Variants in MED25 observed in about 807,000 individuals in gnomAD.
MED25 encodes mediator complex subunit 25, also known as mediator of RNA polymerase II transcription subunit 25.
A neutral mutation model predicts 89.4 loss-of-function variants in MED25; 62 were observed. The ratio of observed to expected loss-of-function variants is 0.69; its 90% confidence interval spans 0.57 to 0.86. The LOEUF is 0.86. MED25 is among the 40% of genes least tolerant of loss of function. MED25 has a pLI of 0.00. For missense variants in MED25, 905 were observed against 1,005.2 expected, an observed-to-expected ratio of 0.90 and a Z score of 1.35; for synonymous variants, 449 against 427.9, an observed-to-expected ratio of 1.05 and a Z score of -0.61.
chr19:49,836,249 C>T lies in MED25; in HGVS notation c.1989C>T (p.Pro663=), dbSNP rs762594410. The change falls in exon 17 of 18, where the codon CCC becomes CCT. Residue 663 remains proline, a synonymous_variant. Coordinates refer to ENST00000312865, the MANE Select transcript of MED25 (RefSeq NM_030973.4). The surrounding 1 kb of genome is among the most constrained non-coding windows in gnomAD (Gnocchi z 5.1). ...PPPPQTGVPP[P]QASLHHLQPP... ...AGCCGCAGACTGGGGTGCCCCCACC[C>T]CAGGCCTCCCTCCACCACCTCCAGC... 60 of 1,612,340 alleles carry T rather than the reference C, an allele frequency of 3.7e-5. No individual in the cohort carries two copies. The highest frequency in any genetic ancestry group is 3.0e-5 in the Non-Finnish European group (35 of 1,179,874).
At chr19:49,819,565 T>G in intron 3 of MED25, 1 of 447,220 alleles carries the variant, frequency 2.2e-6, no homozygotes, top group East Asian at 4.9e-5. Context: ...GGTGATTGTG[T>G]TTTTGTCAGA....
chr19:49,835,886 C>T lies in MED25; in HGVS notation c.1906C>T (p.Arg636Trp), dbSNP rs761434818. Reference sequence around the variant, plus strand: ...CCCACCCCCTCCTGGACCCATCCTTCGGCCCCAGAACCCTGGGGCCAACCC... The same window carrying T: ...CCCACCCCCTCCTGGACCCATCCTTTGGCCCCAGAACCCTGGGGCCAACCC... ...SGPPPPGPIL[R>W]PQNPGANPQL... Residue 636 changes from arginine to tryptophan, a missense_variant, in exon 16 of 18, where the codon CGG becomes TGG. Arg to Trp is a moderately radical substitution (Grantham distance 101). Transcript: ENST00000312865. The surrounding 1 kb of genome is among the most constrained non-coding windows in gnomAD (Gnocchi z 6.2). 4 of 1,612,708 alleles carry T rather than the reference C, an allele frequency of 2.5e-6. No individual in the cohort carries two copies. Among genetic ancestry groups the T allele is most frequent in the Non-Finnish European group, 3.4e-6 (4 of 1,179,856 alleles).
At position 49,836,161 on chromosome 19, in the gene MED25, T is replaced by C; in HGVS notation, c.1966-65T>C. 9 of 1,563,744 alleles carry C rather than the reference T, an allele frequency of 5.8e-6. 2 individuals are homozygous for C. In the South Asian group the frequency reaches 6.8e-5, roughly 12 times the overall value. ...ACTAGCTGATTCCATCTCTGAGCAG[T>C]GTCTGTGTTGAGAGGTGGGGAGTCT... On this transcript the variant is annotated intron_variant, in intron 16 of 17. Transcript: ENST00000312865. The surrounding 1 kb of genome is among the most constrained non-coding windows in gnomAD (Gnocchi z 5.1).
intron 2 of MED25, chr19:49,818,966 C>T (rs908030896): frequency 1.5e-6 from 1 of 654,380 alleles, no homozygotes; most frequent in African/African-American, 1.8e-5. Flanking sequence ...GCCTGGGCTC[C>T]TGGGTCTGAG....
Position 49,830,371 on chromosome 19 carries a change from G to A in MED25, c.820-140G>A. 3 of 1,150,060 alleles carry A rather than the reference G, an allele frequency of 2.6e-6. No homozygotes were observed. The highest frequency in any genetic ancestry group is 3.8e-6 in the Non-Finnish European group (3 of 786,010). 71.2% of individuals were successfully genotyped at this position (1,150,060 alleles called of 1,614,324 possible). ...GACTCTTGGGGCCATGGAAGCTCATGTGCTGTGTGATGGGTGTTGTGAGCT... is the reference window on the plus strand; with the variant it reads ...GACTCTTGGGGCCATGGAAGCTCATATGCTGTGTGATGGGTGTTGTGAGCT... On this transcript the variant is annotated intron_variant, in intron 7 of 17. Transcript: ENST00000312865. This position sits in a 1 kb window ranked among gnomAD's most constrained non-coding sequence, Gnocchi z 4.6.
In MED25 at chr19:49,832,330, G is replaced by A. The variant is rs778533296; in HGVS notation, c.1397G>A (p.Arg466Gln). 4 of 1,608,790 alleles carry A rather than the reference G, an allele frequency of 2.5e-6. No individual in the cohort carries two copies. The highest frequency in any genetic ancestry group is 3.4e-6 in the Non-Finnish European group (4 of 1,177,208). ...QLLTTLGPLF[R>Q]NSRMVQFHFT... ...CAGACCACCCTGGGCCCTTTGTTCC[G>A]GAACTCAAGGATGGTCCAGTTCCAT... Residue 466 changes from arginine (R) to glutamine (Q), a missense_variant, in exon 13 of 18, where the codon CGG becomes CAG. Physicochemically the swap from Arg to Gln is conservative, Grantham distance 43 (BLOSUM62 1). Transcript: ENST00000312865.
chr19:49,828,601 C>CCACTT (rs2074031506), intron 4 of MED25, 54 bp downstream of exon 4: 2 of 1,417,942 alleles, frequency 1.4e-6, no homozygotes, highest in African/African-American at 2.8e-5. Flanking sequence ...TGGCCTGGAA[C>CCACTT]CACTTTGCCT....
rs926872774 is a variant in MED25 at position 49,830,029 on chromosome 19, T to C, written c.689-59T>C. The stretch of plus-strand genomic sequence containing the variant: ...CTCTGACTTGGATTTTGGATTTCTC[T>C]CCTTTCTCTGCATCTTGAATCCCTT... On this transcript the variant is annotated intron_variant, in intron 6 of 17. Transcript: ENST00000312865. This position sits in a 1 kb window ranked among gnomAD's most constrained non-coding sequence, Gnocchi z 4.6. The C allele has an allele frequency of 5.6e-6, 9 of 1,597,194 alleles. No homozygotes were observed. Among genetic ancestry groups the C allele is most frequent in the Non-Finnish European group, 6.8e-6 (8 of 1,171,110 alleles).
chr19:49,837,057 A>C (rs1042935929), downstream of MED25: 4 of 869,932 alleles, frequency 4.6e-6, no homozygotes, highest in African/African-American at 1.7e-5. Flanking sequence ...CCTTGTTCTC[A>C]CTTCAGCAGA....
chr19:49,821,610 T>C (rs2073982541), intron 3 of MED25, among the ~76,000 whole-genome samples: 1 of 150,680 alleles, frequency 6.6e-6, no homozygotes, highest in Admixed American at 6.6e-5. Flanking sequence ...CTACTAAAAA[T>C]ACAAGCAATC....
downstream of MED25, among the ~76,000 whole-genome samples, chr19:49,838,119 T>C (rs889574318): frequency 2.0e-5 from 3 of 152,124 alleles, no homozygotes; most frequent in Non-Finnish European, 4.4e-5. Context: ...ACCACCAGCA[T>C]CCACATCATT....
At chr19:49,828,894 C>G in intron 4 of MED25, 76 bp from the exon 5 acceptor site, 2 of 1,600,090 alleles carry the variant, frequency 1.2e-6, no homozygotes, top group Middle Eastern at 1.7e-4. Context: ...ATGTGCATCT[C>G]CGCTGGTGCT....
In MED25 at chr19:49,834,952, C is replaced by T. The variant is rs1002039387; in HGVS notation, c.1483-34C>T. On this transcript the variant is annotated intron_variant, in intron 13 of 17. Coordinates refer to ENST00000312865, the MANE Select transcript of MED25 (RefSeq NM_030973.4). This position sits in a 1 kb window ranked among gnomAD's most constrained non-coding sequence, Gnocchi z 4.1. ...GGGGTCAGGGCTGCCTCTTTCAGGGCCTGAATGGTTCTGAAGAGCTGTTGT... is the reference window on the plus strand; with the variant it reads ...GGGGTCAGGGCTGCCTCTTTCAGGGTCTGAATGGTTCTGAAGAGCTGTTGT... 3.7e-5 allele frequency: 60 copies of T among 1,611,656 alleles called. No individual in the cohort carries two copies. Among genetic ancestry groups the T allele is most frequent in the Non-Finnish European group, 4.9e-5 (58 of 1,178,702 alleles).
intron 3 of MED25, 138 bp downstream of exon 3, chr19:49,819,434 G>A: frequency 1.1e-6 from 1 of 909,448 alleles, no homozygotes; most frequent in Non-Finnish European, 1.7e-6. Context: ...CCCGTGAGGG[G>A]CTGTGAATAA....
Position 49,831,228 on chromosome 19 carries a change from CAGA to C in MED25, c.1102-99_1102-97del. ...AAGTGCTGTTCTGGGGATGGAGGGG[CAGA>C]AGAAGGGATCTTTCCTCCTTCCTGG... On this transcript the variant is annotated intron_variant, in intron 9 of 17. Transcript: ENST00000312865. The surrounding 1 kb of genome is among the most constrained non-coding windows in gnomAD (Gnocchi z 5.0). The C allele has an allele frequency of 1.4e-5, 17 of 1,245,044 alleles. No individual in the cohort carries two copies. Among genetic ancestry groups the C allele is most frequent in the Non-Finnish European group, 1.6e-5 (14 of 894,898 alleles). 77.1% of individuals were successfully genotyped at this position (1,245,044 alleles called of 1,614,324 possible).
Position 49,835,342 on chromosome 19 carries a change from C to T in MED25, c.1674+165C>T, listed in dbSNP as rs190363279. 6.6e-6 allele frequency among the ~76,000 whole-genome samples: 1 copy of T among 152,280 alleles called. No individual in the cohort carries two copies. The highest frequency in any genetic ancestry group is 6.5e-5 in the Admixed American group (1 of 15,308). On this transcript the variant is annotated intron_variant, in intron 14 of 17. Transcript: ENST00000312865. The surrounding 1 kb of genome is among the most constrained non-coding windows in gnomAD (Gnocchi z 6.2). Reference sequence around the variant, plus strand: ...TCTTGCAGTCTCTCTCCTTTTTCAGCATCCACATCAAAGCCCTGACACAGC... The same window carrying T: ...TCTTGCAGTCTCTCTCCTTTTTCAGTATCCACATCAAAGCCCTGACACAGC...
Position 49,832,082 on chromosome 19 carries a change from TC to T in MED25, c.1317-16del, listed in dbSNP as rs748829394. ...GGGGCTGGCCCCCTCCTCACACCTC[TC>T]CTGGCATCGCCCCCAGGAAGACGGA... is the stretch of plus-strand genomic sequence containing the variant. On this transcript the variant is annotated splice_polypyrimidine_tract_variant and intron_variant, in intron 11 of 17. Transcript: ENST00000312865. 21 of 1,613,892 alleles carry T rather than the reference TC, an allele frequency of 1.3e-5. No individual in the cohort carries two copies. In the Middle Eastern group the frequency reaches 5.1e-4, roughly 39 times the overall value.
chr19:49,826,980 T>A (rs1352368305), intron 3 of MED25, among the ~76,000 whole-genome samples: 1 of 152,112 alleles, frequency 6.6e-6, no homozygotes, highest in Non-Finnish European at 1.5e-5. Flanking sequence ...CTGTAGACGT[T>A]CATTCACTTA....
In MED25 at chr19:49,835,165, G is replaced by A. The variant is rs754035799; in HGVS notation, c.1662G>A (p.Gln554=). The A allele has an allele frequency of 2.5e-6, 4 of 1,613,890 alleles. No homozygotes were observed. The South Asian group carries it at 4.4e-5, about 18-fold the overall frequency. ...HKQVQQQKLE[Q]QQRGMGGQQA... is the part of the protein sequence containing the mutation. ...AGGTCCAGCAGCAGAAGCTGGAGCAGCAGCAGCGAGGAGTGAGTGTTGACA... is the reference window on the plus strand; with the variant it reads ...AGGTCCAGCAGCAGAAGCTGGAGCAACAGCAGCGAGGAGTGAGTGTTGACA... The change falls in exon 14 of 18, where the codon CAG becomes CAA. Residue 554 remains glutamine (Q), a synonymous_variant. Coordinates refer to ENST00000312865, the MANE Select transcript of MED25 (RefSeq NM_030973.4). The surrounding 1 kb of genome is among the most constrained non-coding windows in gnomAD (Gnocchi z 6.2).
Sources: gnomAD v4.1 joint callset for allele counts (sites outside exome capture counted in the v4.1 genomes callset) on GRCh38, gnomAD v4.1.1 for gene constraint, Gnocchi (gnomAD v3.1) non-coding constraint, MANE v1.5 for transcripts, NCBI Gene and HGNC (gene_info 2026-07-23, HGNC 2026-07-21) for gene names.